CACNA2D3: variants seen among roughly 807,000 people sequenced by gnomAD.
The protein encoded by CACNA2D3 is voltage-dependent calcium channel subunit alpha-2/delta-3.
In CACNA2D3, 60 loss-of-function variants were observed where a neutral mutation model predicts 160.6. That is an observed-to-expected ratio of 0.37 (90% confidence interval 0.30 to 0.46). CACNA2D3 has a LOEUF of 0.46. Ranked by LOEUF, CACNA2D3 falls within the 20% of genes least tolerant of loss-of-function variation. The probability of loss-of-function intolerance (pLI) is 1.00; values close to 1 mark genes in which losing one functional copy is unlikely to be tolerated. For missense variants in CACNA2D3, 1,205 were observed against 1,365.0 expected, an observed-to-expected ratio of 0.88 and a Z score of 1.85; for synonymous variants, 558 against 492.9, an observed-to-expected ratio of 1.13 and a Z score of -1.75.
chr3:54,947,779 A>C (rs1223792560), intron 27 of CACNA2D3, among the ~76,000 whole-genome samples: 1 of 152,174 alleles, frequency 6.6e-6, no homozygotes, highest in African/African-American at 2.4e-5. Context: ...CCCTAAGGCA[A>C]CTAGAAGCTT....
intron 5 of CACNA2D3, among the ~76,000 whole-genome samples, chr3:54,528,077 C>CAT (rs1701752427): frequency 6.6e-6 from 1 of 152,026 alleles, no homozygotes; most frequent in Non-Finnish European, 1.5e-5. Context: ...TAAACATGCA[C>CAT]ATGCCCCTCC....
intron 35 of CACNA2D3, among the ~76,000 whole-genome samples, chr3:55,023,470 C>T (rs1362741577): frequency 1.3e-5 from 2 of 152,010 alleles, no homozygotes; most frequent in Non-Finnish European, 1.5e-5. Context: ...CAGTCTTATT[C>T]TTCGGTTCTC....
chr3:54,159,222 A>G (rs973534484), intron 2 of CACNA2D3, among the ~76,000 whole-genome samples: 4 of 152,116 alleles, frequency 2.6e-5, no homozygotes, highest in African/African-American at 9.7e-5. Context: ...TAAGTTTAAG[A>G]AAAAAAATCC....
At chr3:54,577,263 A>G (rs1339266756) in intron 8 of CACNA2D3, among the ~76,000 whole-genome samples, 1 of 152,192 alleles carries the variant, frequency 6.6e-6, no homozygotes, top group African/African-American at 2.4e-5. Context: ...TCTGTGGCAG[A>G]TGCCTTCCTG....
intron 29 of CACNA2D3, among the ~76,000 whole-genome samples, chr3:54,975,807 G>A (rs1326226208): frequency 6.6e-6 from 1 of 152,068 alleles, no homozygotes; most frequent in African/African-American, 2.4e-5. Context: ...TCAGATATTA[G>A]CTCAAGAATT....
At chr3:54,811,010 C>T (rs1031983745) in intron 13 of CACNA2D3, among the ~76,000 whole-genome samples, 1 of 152,166 alleles carries the variant, frequency 6.6e-6, no homozygotes, top group African/African-American at 2.4e-5. Flanking sequence ...ATGGGCTCTC[C>T]CTGGTGGGAT....
At chr3:54,906,228 AAGGG>A (rs1052249210) in intron 27 of CACNA2D3, among the ~76,000 whole-genome samples, 1 of 152,106 alleles carries the variant, frequency 6.6e-6, no homozygotes, top group Non-Finnish European at 1.5e-5. Context: ...GAAGAAGTGA[AAGGG>A]AGGGAGGGAG....
chr3:54,831,205 C>T (rs1414637691), intron 14 of CACNA2D3, among the ~76,000 whole-genome samples: 1 of 152,200 alleles, frequency 6.6e-6, no homozygotes, highest in Non-Finnish European at 1.5e-5. Flanking sequence ...AAGCCCAAGC[C>T]TCTAGGGCTG....
chr3:54,977,884 G>C (rs765714391), intron 29 of CACNA2D3, among the ~76,000 whole-genome samples: 5 of 152,190 alleles, frequency 3.3e-5, no homozygotes, highest in African/African-American at 4.8e-5. Flanking sequence ...TCCATAGGCA[G>C]AGCAGCCTCG....
chr3:55,051,876 C>T (rs988267264), intron 35 of CACNA2D3, among the ~76,000 whole-genome samples: 5 of 152,272 alleles, frequency 3.3e-5, no homozygotes, highest in East Asian at 1.9e-4. Context: ...TTCCAGGTGC[C>T]GTCTGTCACC....
intron 27 of CACNA2D3, among the ~76,000 whole-genome samples, chr3:54,940,123 T>G (rs898616597): frequency 6.6e-6 from 1 of 152,112 alleles, no homozygotes; most frequent in Non-Finnish European, 1.5e-5. Flanking sequence ...ACTCACCACA[T>G]TGGTGTCTAG....
chr3:54,873,733 G>A (rs115605545), intron 18 of CACNA2D3, among the ~76,000 whole-genome samples: 189 of 152,262 alleles, frequency 1.2e-3, no homozygotes, highest in African/African-American at 4.2e-3. Flanking sequence ...CTCTGGTTAC[G>A]TCTTTGGTTT....
chr3:54,565,862 C>T (rs1702401682), intron 6 of CACNA2D3, among the ~76,000 whole-genome samples: 1 of 152,210 alleles, frequency 6.6e-6, no homozygotes, highest in Admixed American at 6.5e-5. Context: ...GAACTCTACC[C>T]TGAAATCCTG....
chr3:54,586,983 A>T (rs1702773674), intron 9 of CACNA2D3, among the ~76,000 whole-genome samples: 1 of 152,114 alleles, frequency 6.6e-6, no homozygotes. Flanking sequence ...GAAAACAAAG[A>T]TTACATATCA....
intron 3 of CACNA2D3, among the ~76,000 whole-genome samples, chr3:54,355,868 G>A (rs1255933844): frequency 6.6e-6 from 1 of 152,124 alleles, no homozygotes; most frequent in African/African-American, 2.4e-5. Flanking sequence ...GAGTTAGTCT[G>A]GAGACTTCAT....
intron 17 of CACNA2D3, among the ~76,000 whole-genome samples, chr3:54,848,833 A>C (rs1407470984): frequency 6.6e-6 from 1 of 152,216 alleles, no homozygotes; most frequent in Non-Finnish European, 1.5e-5. Flanking sequence ...TGCCATAACC[A>C]TAGTGCATAG....
chr3:54,871,613 A>T lies in CACNA2D3; in HGVS notation c.1701A>T (p.Arg567=). The T allele has an allele frequency of 6.2e-7, 1 of 1,612,092 alleles. No individual in the cohort carries two copies. Residue 567 remains arginine (R), a synonymous_variant, in exon 18 of 38, where the codon CGA becomes CGT. Transcript: ENST00000474759. ...VDLSEVEWED[R]DDVLRNAMVN... is the part of the protein sequence containing the mutation. The stretch of plus-strand genomic sequence containing the variant: ...TCTCTGAGGTGGAGTGGGAAGACCG[A>T]GATGACGTGGTAAGTGATTTGTTTT...
intron 2 of CACNA2D3, among the ~76,000 whole-genome samples, chr3:54,316,405 A>G (rs1703864146): frequency 6.6e-6 from 1 of 152,204 alleles, no homozygotes; most frequent in Non-Finnish European, 1.5e-5. Flanking sequence ...TTTCCTGGAA[A>G]GAGTAAGGCA....
In CACNA2D3 at chr3:54,714,922, A is replaced by G. The variant is rs191787773; in HGVS notation, c.1168-37677A>G. Reference sequence around the variant, plus strand: ...TTCTCTTATAATACTTTTACAACACAGTACACTTCTGTGATCCTGGATGTC... The same window carrying G: ...TTCTCTTATAATACTTTTACAACACGGTACACTTCTGTGATCCTGGATGTC... On this transcript the variant is annotated intron_variant, in intron 11 of 37. Transcript: ENST00000474759. Among the ~76,000 whole-genome samples, 300 of 152,354 alleles carry G rather than the reference A, an allele frequency of 2.0e-3. 1 individual carries two copies. Among genetic ancestry groups the G allele is most frequent in the African/African-American group, 6.6e-3 (273 of 41,586 alleles).
Sources: gnomAD v4.1 joint callset for allele counts (sites outside exome capture counted in the v4.1 genomes callset) on GRCh38, gnomAD v4.1.1 for gene constraint, MANE v1.5 for transcripts, NCBI Gene and HGNC (gene_info 2026-07-23, HGNC 2026-07-21) for gene names.